Variants in EYS observed in about 807,000 individuals in gnomAD.
EYS encodes protein eyes shut homolog.
Under a neutral mutation model 282.1 loss-of-function variants are expected in EYS, and 250 were observed. The ratio of observed to expected loss-of-function variants is 0.89; its 90% CI spans 0.80 to 0.98. The LOEUF (loss-of-function observed/expected upper bound fraction) is 0.98, where lower values mean the gene tolerates loss of function less well. Ranked by LOEUF, EYS falls within the 50% of genes least tolerant of loss-of-function variation. The pLI is 0.00. For missense variants in EYS, 4,016 were observed against 3,709.0 expected (o/e 1.08, Z -2.15); for synonymous variants, 1,355 against 1,282.9 (o/e 1.06, Z -1.20).
chr6:64,120,357 TAAA>T (rs34632243), intron 31 of EYS, among the ~76,000 whole-genome samples: 1 of 76,766 alleles, frequency 1.3e-5, no homozygotes. Context: ...CTCCATCTCT[TAAA>T]AAAAAAAAAA....
chr6:65,406,041 A>G (rs1562157932), intron 5 of EYS, among the ~76,000 whole-genome samples: 1 of 152,074 alleles, frequency 6.6e-6, no homozygotes, highest in Non-Finnish European at 1.5e-5. Flanking sequence ...CCCACCAGTG[A>G]TGTGTCAGAT....
At position 64,674,437 on chromosome 6, in the gene EYS, G is replaced by A. The variant is rs80069250; in HGVS notation, c.3444-48192C>T. Among the ~76,000 whole-genome samples, 877 of 152,076 alleles carry A rather than the reference G, an allele frequency of 5.8e-3. 3 individuals are homozygous for A. Among genetic ancestry groups the A allele is most frequent in the Non-Finnish European group, 9.8e-3 (668 of 67,954 alleles). On this transcript the variant is annotated intron_variant, in intron 22 of 42. Coordinates refer to ENST00000503581, the MANE Select transcript of EYS (RefSeq NM_001142800.2). ...TAAGTCAGGATCTCTATTTATACAG[G>A]AAAAGTACAATTACTGTCAGTAAAA...
chr6:65,512,868 T>C (rs1393424608), intron 2 of EYS, among the ~76,000 whole-genome samples: 1 of 151,796 alleles, frequency 6.6e-6, no homozygotes, highest in African/African-American at 2.4e-5. Context: ...CCTAACATCA[T>C]AATTAAAAGA....
At chr6:64,735,701 C>A (rs147983333) in intron 22 of EYS, among the ~76,000 whole-genome samples, 1 of 152,174 alleles carries the variant, frequency 6.6e-6, no homozygotes, top group East Asian at 1.9e-4. Flanking sequence ...GAAATATTTA[C>A]AATTGTTACA....
intron 41 of EYS, among the ~76,000 whole-genome samples, chr6:63,752,254 C>T (rs190906974): frequency 7.1e-4 from 108 of 152,242 alleles, no homozygotes; most frequent in Middle Eastern, 3.4e-3. Context: ...GAGTAACCAT[C>T]TAATGAGTGT....
At chr6:65,578,427 T>G (rs1764753257) in intron 2 of EYS, among the ~76,000 whole-genome samples, 1 of 151,784 alleles carries the variant, frequency 6.6e-6, no homozygotes, top group South Asian at 2.1e-4. Flanking sequence ...CAGAGTAAAA[T>G]TGTTGTTACG....
chr6:64,769,981 ATATT>A (rs1276575905), intron 22 of EYS, among the ~76,000 whole-genome samples: 1 of 151,976 alleles, frequency 6.6e-6, no homozygotes, highest in Non-Finnish European at 1.5e-5. Flanking sequence ...ATAAATATAA[ATATT>A]CATTTATTAT....
At chr6:65,555,350 T>A (rs997343253) in intron 2 of EYS, among the ~76,000 whole-genome samples, 1 of 152,108 alleles carries the variant, frequency 6.6e-6, no homozygotes, top group Non-Finnish European at 1.5e-5. Context: ...AGAAATAAAT[T>A]TACCACCTAG....
chr6:63,889,284 G>T (rs113698538), intron 35 of EYS, among the ~76,000 whole-genome samples: 43 of 152,176 alleles, frequency 2.8e-4, no homozygotes, highest in Middle Eastern at 6.8e-3. Flanking sequence ...GAAATACAGA[G>T]AACACCACAA....
At chr6:65,571,068 T>A (rs1764462552) in intron 2 of EYS, among the ~76,000 whole-genome samples, 1 of 152,008 alleles carries the variant, frequency 6.6e-6, no homozygotes, top group South Asian at 2.1e-4. Context: ...ATATTACACA[T>A]ATTATACTTT....
rs544205298 is a variant in EYS, at chr6:65,549,007, C to T, written c.-332-53014G>A. ...CCTCAGATCATCAGGCATTAGATCC[C>T]TCACATGCGCAGTTCAAATAGGGTT... On this transcript the variant is annotated intron_variant, in intron 2 of 42. Coordinates refer to ENST00000503581, the MANE Select transcript of EYS (RefSeq NM_001142800.2). Among the ~76,000 whole-genome samples the T allele has an allele frequency of 4.1e-4, 63 of 152,114 alleles. 1 individual carries two copies. Among genetic ancestry groups the T allele is most frequent in the Non-Finnish European group, 7.8e-4 (53 of 68,030 alleles).
intron 12 of EYS, among the ~76,000 whole-genome samples, chr6:65,059,488 C>T (rs1188308081): frequency 1.3e-5 from 2 of 152,104 alleles, no homozygotes; most frequent in Non-Finnish European, 2.9e-5. Flanking sequence ...CTCCTACCCT[C>T]CTACAGAGAC....
intron 13 of EYS, among the ~76,000 whole-genome samples, chr6:65,006,315 A>C (rs1186043072): frequency 6.6e-6 from 1 of 152,074 alleles, no homozygotes; most frequent in Non-Finnish European, 1.5e-5. Flanking sequence ...TAAAACCTGT[A>C]ATTGATAATT....
chr6:65,476,898 A>C (rs1765429682), intron 5 of EYS, among the ~76,000 whole-genome samples: 1 of 152,140 alleles, frequency 6.6e-6, no homozygotes, highest in African/African-American at 2.4e-5. Flanking sequence ...AAACCTATAA[A>C]ATAAGAATTT....
chr6:64,902,349 T>G, intron 17 of EYS, 55 bp downstream of exon 17: 2 of 1,327,460 alleles, frequency 1.5e-6, no homozygotes, highest in South Asian at 2.7e-5. Flanking sequence ...ATTCTATACC[T>G]GTATACATCT....
rs1764905524 is a variant in EYS, at chr6:64,821,728, AAC to A, written c.3165-7_3165-6del. On this transcript the variant is annotated splice_region_variant and splice_polypyrimidine_tract_variant and intron_variant, in intron 20 of 42. Transcript: ENST00000503581. ...TCATTAATAAGTTCTGTGCACCTGA[AAC>A]ACAGAATTAGAATTACATTTTCAAA... 6 of 1,463,680 alleles carry A rather than the reference AAC, an allele frequency of 4.1e-6. No homozygotes were observed. The highest frequency in any genetic ancestry group is 5.6e-6 in the Non-Finnish European group (6 of 1,071,264). The allele number at this position is 1,463,680 out of a possible 1,614,324, so 90.7% of individuals were successfully genotyped here.
At chr6:65,034,563 C>A (rs1772707508) in intron 13 of EYS, among the ~76,000 whole-genome samples, 1 of 152,030 alleles carries the variant, frequency 6.6e-6, no homozygotes, top group Non-Finnish European at 1.5e-5. Context: ...GCACCTCCCC[C>A]TGACTCTCCA....
At chr6:64,137,869 T>TA (rs1774213671) in intron 31 of EYS, among the ~76,000 whole-genome samples, 1 of 151,978 alleles carries the variant, frequency 6.6e-6, no homozygotes, top group South Asian at 2.1e-4. Flanking sequence ...ATGACACCCA[T>TA]AGAATTGCTG....
chr6:65,151,479 G>C (rs1408387811), intron 12 of EYS, among the ~76,000 whole-genome samples: 1 of 151,938 alleles, frequency 6.6e-6, no homozygotes, highest in East Asian at 1.9e-4. Context: ...TTGGATTCAG[G>C]CTGCCTCAGA....
Sources: allele counts gnomAD v4.1 joint callset (sites outside exome capture counted in the v4.1 genomes callset), GRCh38; gene constraint gnomAD v4.1.1; transcripts MANE v1.5; gene names NCBI Gene and HGNC (gene_info 2026-07-23, HGNC 2026-07-21).